KCND2: variants seen among roughly 807,000 people sequenced by gnomAD.
KCND2 encodes potassium voltage-gated channel subfamily D member 2.
KCND2 carries 16 observed loss-of-function variants against 54.4 expected under a neutral mutation model. That is an observed-to-expected ratio of 0.29 (90% confidence interval 0.20 to 0.45). KCND2 has a LOEUF of 0.45. KCND2 is among the 20% of genes least tolerant of loss of function. The pLI is 1.00. For synonymous variants in KCND2, 317 were observed against 310.7 expected (o/e 1.02, Z -0.21); for missense variants, 486 against 824.2 (o/e 0.59, Z 5.02).
intron 1 of KCND2, among the ~76,000 whole-genome samples, chr7:120,287,996 G>A (rs1218762373): frequency 6.6e-6 from 1 of 152,118 alleles, no homozygotes; most frequent in African/African-American, 2.4e-5. Flanking sequence ...CACGTGCTAA[G>A]GTATAAGGTT....
At chr7:120,427,529 T>C (rs942045278) in intron 1 of KCND2, among the ~76,000 whole-genome samples, 17 of 152,202 alleles carry the variant, frequency 1.1e-4, no homozygotes, top group African/African-American at 3.9e-4. Context: ...TTTCAACCAC[T>C]ACTATTAACA....
chr7:120,746,122 C>T (rs2116190863), intron 5 of KCND2, 95 bp downstream of exon 5: 2 of 1,410,508 alleles, frequency 1.4e-6, no homozygotes, highest in East Asian at 4.6e-5. Flanking sequence ...CATCTAAATC[C>T]CTAGCTCCTA....
chr7:120,578,078 G>A (rs1792462263), intron 1 of KCND2, among the ~76,000 whole-genome samples: 1 of 151,684 alleles, frequency 6.6e-6, no homozygotes, highest in Non-Finnish European at 1.5e-5. Context: ...AGAAGGAGAA[G>A]GAGAAGGAGA....
chr7:120,655,634 A>AT (rs889459650), intron 1 of KCND2, among the ~76,000 whole-genome samples: 4 of 152,220 alleles, frequency 2.6e-5, no homozygotes, highest in Admixed American at 1.3e-4. Context: ...TTTTACAAAA[A>AT]TGTACATAAA....
intron 1 of KCND2, among the ~76,000 whole-genome samples, chr7:120,664,534 A>G (rs1791902162): frequency 6.6e-6 from 1 of 152,062 alleles, no homozygotes; most frequent in African/African-American, 2.4e-5. Flanking sequence ...TATAAACAAC[A>G]AAAAATACAT....
chr7:120,364,065 A>G (rs1011546901), intron 1 of KCND2, among the ~76,000 whole-genome samples: 1 of 152,148 alleles, frequency 6.6e-6, no homozygotes. Context: ...CAAGCACCTA[A>G]AACAGTGCCT....
intron 1 of KCND2, chr7:120,464,199 T>A (rs1204949003): frequency 1.5e-5 from 5 of 340,100 alleles, no homozygotes; most frequent in African/African-American, 2.2e-5. Context: ...GCAAGCTAGT[T>A]GGATATTTTG....
chr7:120,408,478 T>A (rs541448269), intron 1 of KCND2, among the ~76,000 whole-genome samples: 7 of 151,988 alleles, frequency 4.6e-5, no homozygotes, highest in African/African-American at 1.7e-4. Flanking sequence ...ATGATGAGAA[T>A]GCCTACACAG....
intron 1 of KCND2, among the ~76,000 whole-genome samples, chr7:120,658,649 C>A (rs1262316143): frequency 6.6e-6 from 1 of 152,160 alleles, no homozygotes; most frequent in African/African-American, 2.4e-5. Flanking sequence ...ACATTCAAAC[C>A]TTGAAAGAAA....
intron 1 of KCND2, among the ~76,000 whole-genome samples, chr7:120,529,606 T>C (rs1482488349): frequency 6.6e-6 from 1 of 152,162 alleles, no homozygotes; most frequent in Admixed American, 6.5e-5. Flanking sequence ...CATTTTCTTG[T>C]GCATAGGCAT....
chr7:120,544,846 G>T (rs1792024289), intron 1 of KCND2, among the ~76,000 whole-genome samples: 1 of 151,798 alleles, frequency 6.6e-6, no homozygotes, highest in Non-Finnish European at 1.5e-5. Flanking sequence ...GTTTTCTTGG[G>T]AAATTAAGTG....
intron 1 of KCND2, among the ~76,000 whole-genome samples, chr7:120,287,395 TGGGAG>T (rs1314187634): frequency 1.3e-5 from 2 of 152,132 alleles, no homozygotes; most frequent in Admixed American, 1.3e-4. Context: ...ATGAATATTC[TGGGAG>T]TTCACCTAAA....
At chr7:120,311,339 A>G (rs1186379898) in intron 1 of KCND2, among the ~76,000 whole-genome samples, 5 of 152,196 alleles carry the variant, frequency 3.3e-5, no homozygotes, top group African/African-American at 1.2e-4. Context: ...TAAAAATCAG[A>G]AAAGAAGAAT....
rs377368727 is a variant in KCND2, at chr7:120,627,773, T to G, written c.1116-105130T>G. On this transcript the variant is annotated intron_variant, in intron 1 of 5. Transcript: ENST00000331113. Reference sequence around the variant, plus strand: ...CAGTTATAATAAAGTATCTATAAACTAAATAAATTATATAATTATGTAATT... The same window carrying G: ...CAGTTATAATAAAGTATCTATAAACGAAATAAATTATATAATTATGTAATT... Among the ~76,000 whole-genome samples the G allele has an allele frequency of 1.6e-4, 24 of 151,974 alleles. No homozygotes were observed. In the East Asian group the frequency reaches 4.2e-3, roughly 27 times the overall value.
chr7:120,299,446 T>C (rs1252130502), intron 1 of KCND2, among the ~76,000 whole-genome samples: 3 of 152,174 alleles, frequency 2.0e-5, no homozygotes, highest in Non-Finnish European at 4.4e-5. Context: ...TTCACTACCT[T>C]GTTCTTTTAA....
At chr7:120,518,927 T>C (rs1254224286) in intron 1 of KCND2, among the ~76,000 whole-genome samples, 2 of 152,138 alleles carry the variant, frequency 1.3e-5, no homozygotes, top group Non-Finnish European at 2.9e-5. Flanking sequence ...CAGAGACCTT[T>C]CTATGAAGAA....
At chr7:120,571,265 G>T (rs1792362165) in intron 1 of KCND2, among the ~76,000 whole-genome samples, 1 of 152,116 alleles carries the variant, frequency 6.6e-6, no homozygotes, top group Non-Finnish European at 1.5e-5. Context: ...TTGAATTGTA[G>T]AGAGAAGCCA....
intron 1 of KCND2, among the ~76,000 whole-genome samples, chr7:120,636,598 C>T (rs1403188477): frequency 6.6e-6 from 1 of 151,944 alleles, no homozygotes; most frequent in Admixed American, 6.6e-5. Flanking sequence ...CTCTTATTAC[C>T]AAGTGAAGCT....
At chr7:120,417,521 G>A (rs563989673) in intron 1 of KCND2, among the ~76,000 whole-genome samples, 2 of 152,244 alleles carry the variant, frequency 1.3e-5, no homozygotes, top group African/African-American at 2.4e-5. Context: ...TTAAAAATTA[G>A]CAGTTTTCAG....
Sources: allele counts gnomAD v4.1 joint callset (sites outside exome capture counted in the v4.1 genomes callset), GRCh38; gene constraint gnomAD v4.1.1; transcripts MANE v1.5; gene names NCBI Gene and HGNC (gene_info 2026-07-23, HGNC 2026-07-21).